IL22RA2: variants seen among roughly 807,000 people sequenced by gnomAD.
IL22RA2 encodes interleukin 22 receptor subunit alpha 2, also known as interleukin-22 receptor subunit alpha-2.
Under a neutral mutation model 30.7 loss-of-function variants are expected in IL22RA2, and 39 were observed. The observed-to-expected ratio is 1.27, with a 90% CI of 0.98 to 1.66. IL22RA2 has a LOEUF of 1.66. IL22RA2 is among the 40% of genes most tolerant of loss of function. The pLI is 0.00. For synonymous variants in IL22RA2, 103 were observed against 105.0 expected (o/e 0.98, Z 0.11); for missense variants, 315 against 312.7 (o/e 1.01, Z -0.05).
At chr6:137,153,850 G>A (rs1424113756) in intron 5 of IL22RA2, among the ~76,000 whole-genome samples, 2 of 152,308 alleles carry the variant, frequency 1.3e-5, no homozygotes, top group Admixed American at 6.5e-5. Flanking sequence ...CAAACTCCTC[G>A]TGGATAAAGA....
intron 5 of IL22RA2, among the ~76,000 whole-genome samples, chr6:137,149,924 C>T (rs1157568987): frequency 1.3e-5 from 2 of 152,182 alleles, no homozygotes; most frequent in Non-Finnish European, 2.9e-5. Context: ...AGTGATCCTC[C>T]TACCTCGGCC....
intron 5 of IL22RA2, among the ~76,000 whole-genome samples, chr6:137,151,320 A>G (rs193258734): frequency 1.3e-5 from 2 of 152,258 alleles, no homozygotes; most frequent in East Asian, 3.9e-4. Flanking sequence ...CAATGGGATA[A>G]TTTTCAACAA....
At chr6:137,155,151 T>C (rs1453216414) in intron 4 of IL22RA2, 32 bp from the exon 5 acceptor site, 3 of 1,480,032 alleles carry the variant, frequency 2.0e-6, no homozygotes, top group Non-Finnish European at 2.7e-6. Context: ...GATCTGAGTT[T>C]CTTTTCTCCA....
Position 137,166,985 on chromosome 6 carries a change from C to T in IL22RA2, c.-65-5171G>A, listed in dbSNP as rs565528196. On this transcript the variant is annotated intron_variant, in intron 1 of 6. Transcript: ENST00000296980. ...TGAGCTGCCTCGAACCGGAGGCTAC[C>T]GGTGCATGCTAGTGTTTGTCTGCAC... is the stretch of plus-strand genomic sequence containing the variant. 5.3e-5 allele frequency among the ~76,000 whole-genome samples: 8 copies of T among 152,320 alleles called. No individual in the cohort carries two copies. The South Asian group carries it at 6.2e-4, about 12-fold the overall frequency.
Position 137,166,869 on chromosome 6 carries a change from C to T in IL22RA2, c.-65-5055G>A, listed in dbSNP as rs542679154. Among the ~76,000 whole-genome samples the T allele has an allele frequency of 2.6e-5, 4 of 152,322 alleles. No homozygotes were observed. The East Asian group carries it at 7.7e-4, about 29-fold the overall frequency. On this transcript the variant is annotated intron_variant, in intron 1 of 6. Transcript: ENST00000296980. ...ATTTATGAGTAATGTTTAACTTGTG[C>T]CCCAAACAATCCACAGCAGGGGCCA... is the stretch of plus-strand genomic sequence containing the variant.
rs1193770168 is a variant in IL22RA2 at position 137,161,743 on chromosome 6, G to C, written c.7C>G (p.Pro3Ala). Residue 3 changes from proline to alanine, a missense_variant, in exon 2 of 7, where the codon CCT becomes GCT. Pro to Ala is a conservative substitution (Grantham distance 27). Coordinates refer to ENST00000296980, the MANE Select transcript of IL22RA2 (RefSeq NM_052962.3). ...AGGAAGCCTAGAAAGCAATGTTTAG[G>C]CATCATGGTTGCAAGTGTGACTGTT... MM[P>A]KHCFLGFLIS... 1 of 1,613,358 alleles carries C rather than the reference G, an allele frequency of 6.2e-7. No individual in the cohort carries two copies. Among genetic ancestry groups the C allele is most frequent in the Admixed American group, 1.7e-5 (1 of 59,990 alleles).
At chr6:137,153,208 A>G (rs1198207317) in intron 5 of IL22RA2, among the ~76,000 whole-genome samples, 1 of 152,172 alleles carries the variant, frequency 6.6e-6, no homozygotes, top group African/African-American at 2.4e-5. Flanking sequence ...GCTTATGACA[A>G]AGAACTTAAG....
At chr6:137,162,172 A>G (rs1370998739) in intron 1 of IL22RA2, among the ~76,000 whole-genome samples, 1 of 152,198 alleles carries the variant, frequency 6.6e-6, no homozygotes, top group Admixed American at 6.5e-5. Context: ...GCCAAGGACT[A>G]GGACTTGGCT....
intron 2 of IL22RA2, among the ~76,000 whole-genome samples, chr6:137,158,891 T>C (rs1431722488): frequency 6.6e-6 from 1 of 152,224 alleles, no homozygotes; most frequent in East Asian, 1.9e-4. Flanking sequence ...AATTTGCTAG[T>C]GACCACTTCT....
Position 137,158,756 on chromosome 6 carries a change from TA to T in IL22RA2, c.62-275del, listed in dbSNP as rs59455976. Among the ~76,000 whole-genome samples, 858 of 152,068 alleles carry T rather than the reference TA, an allele frequency of 5.6e-3. 8 individuals are homozygous for T. The highest frequency in any genetic ancestry group is 0.018 in the African/African-American group (765 of 41,484). Reference sequence around the variant, plus strand: ...AGGCTGTGGGGGAAGTAAATTGCATTAAAAAAAATATTGCTCTTATTTTGTT... The same window carrying T: ...AGGCTGTGGGGGAAGTAAATTGCATTAAAAAAATATTGCTCTTATTTTGTT... On this transcript the variant is annotated intron_variant, in intron 2 of 6. Transcript: ENST00000296980.
chr6:137,166,897 A>T (rs182069599), intron 1 of IL22RA2, among the ~76,000 whole-genome samples: 8 of 152,334 alleles, frequency 5.3e-5, no homozygotes, highest in African/African-American at 1.9e-4. Context: ...AGGGGCCAAC[A>T]TGGCCCCCAG....
chr6:137,154,783 T>C (rs1052021369), intron 5 of IL22RA2, among the ~76,000 whole-genome samples, 158 bp downstream of exon 5: 4 of 152,110 alleles, frequency 2.6e-5, no homozygotes, highest in African/African-American at 7.2e-5. Context: ...AAAATTAGGA[T>C]AATAAAAGCT....
At chr6:137,166,445 A>G (rs1266346167) in intron 1 of IL22RA2, among the ~76,000 whole-genome samples, 3 of 152,274 alleles carry the variant, frequency 2.0e-5, no homozygotes, top group Non-Finnish European at 2.9e-5. Context: ...TATGGGCTCC[A>G]AAAGAAGTAG....
intron 1 of IL22RA2, among the ~76,000 whole-genome samples, chr6:137,166,546 T>C (rs529719616): frequency 1.7e-4 from 26 of 152,274 alleles, no homozygotes; most frequent in Middle Eastern, 3.4e-3. Context: ...AGAGCTGCAA[T>C]GACAGCGATA....
At chr6:137,168,041 AG>A (rs1212687642) in intron 1 of IL22RA2, among the ~76,000 whole-genome samples, 30 of 152,344 alleles carry the variant, frequency 2.0e-4, no homozygotes, top group African/African-American at 6.3e-4. Context: ...TTGCCCAGAA[AG>A]GTGCCCATGC....
At chr6:137,151,108 G>A (rs1001449632) in intron 5 of IL22RA2, among the ~76,000 whole-genome samples, 2 of 152,126 alleles carry the variant, frequency 1.3e-5, no homozygotes, top group African/African-American at 4.8e-5. Context: ...ACCCATAATA[G>A]TCAAAACAAT....
At chr6:137,171,067 A>G (rs987010959) in intron 1 of IL22RA2, among the ~76,000 whole-genome samples, 6 of 152,176 alleles carry the variant, frequency 3.9e-5, no homozygotes, top group African/African-American at 1.4e-4. Flanking sequence ...AGTCTCTTTC[A>G]AGTTCTTGGT....
chr6:137,167,901 T>C lies in IL22RA2; in HGVS notation c.-66+5512A>G, dbSNP rs567906918. ...ACACAAATGGAAGCTGACTAGTCTA[T>C]GCATGGCTGAAGCCTGAGGAAGTCA... On this transcript the variant is annotated intron_variant, in intron 1 of 6. Transcript: ENST00000296980. Among the ~76,000 whole-genome samples the C allele has an allele frequency of 1.3e-3, 203 of 152,366 alleles. 1 individual carries two copies. Among genetic ancestry groups the C allele is most frequent in the African/African-American group, 4.7e-3 (194 of 41,590 alleles).
intron 5 of IL22RA2, 59 bp from the exon 6 acceptor site, chr6:137,147,950 C>T: frequency 7.0e-7 from 1 of 1,435,804 alleles, no homozygotes; most frequent in South Asian, 1.2e-5. Flanking sequence ...TATACAGACG[C>T]ATTATGTATA....
Sources: gnomAD v4.1 joint callset for allele counts (sites outside exome capture counted in the v4.1 genomes callset) on GRCh38, gnomAD v4.1.1 for gene constraint, MANE v1.5 for transcripts, NCBI Gene and HGNC (gene_info 2026-07-23, HGNC 2026-07-21) for gene names.